ADARB2: variants seen among roughly 807,000 people sequenced by gnomAD.
ADARB2 encodes adenosine deaminase RNA specific B2 (inactive), also known as inactive double-stranded RNA-specific editase B2.
A neutral mutation model predicts 62.2 loss-of-function variants in ADARB2; 25 were observed. The observed-to-expected ratio is 0.40, with a 90% confidence interval of 0.29 to 0.56. The LOEUF is 0.56. Among genes scored for constraint, ADARB2 ranks in the 20% least tolerant of loss-of-function variants. The pLI is 0.43. For synonymous variants in ADARB2, 572 were observed against 500.8 expected, an observed-to-expected ratio of 1.14 and a Z score of -1.90; for missense variants, 1,071 against 1,077.4, an observed-to-expected ratio of 0.99 and a Z score of 0.08.
At chr10:1,425,960 G>A (rs545000885) in intron 1 of ADARB2, among the ~76,000 whole-genome samples, 146 of 152,298 alleles carry the variant, frequency 9.6e-4, no homozygotes, top group Admixed American at 1.0e-3. Context: ...GGAGCTGAGC[G>A]GGTGAGGGCT....
chr10:1,317,377 C>T (rs907046402), intron 3 of ADARB2, among the ~76,000 whole-genome samples: 14 of 152,214 alleles, frequency 9.2e-5, no homozygotes, highest in African/African-American at 2.2e-4. Context: ...ATAATCTCCA[C>T]GAGCCTGACA....
At chr10:1,466,313 T>A (rs1831254161) in intron 1 of ADARB2, among the ~76,000 whole-genome samples, 1 of 152,212 alleles carries the variant, frequency 6.6e-6, no homozygotes, top group Non-Finnish European at 1.5e-5. Flanking sequence ...TGGCTTCTGA[T>A]GAATGAAAAC....
rs181176571 is a variant in ADARB2 at position 1,353,353 on chromosome 10, G to A, written c.1077+9675C>T. ...TCTAATCCCTCCTTAGCGAACATCC[G>A]CTGGCTTTGCATTTCCCTTTCTTCC... is the stretch of plus-strand genomic sequence containing the variant. On this transcript the variant is annotated intron_variant, in intron 3 of 9. Coordinates refer to ENST00000381312, the MANE Select transcript of ADARB2 (RefSeq NM_018702.4). 1.2e-4 allele frequency among the ~76,000 whole-genome samples: 19 copies of A among 152,182 alleles called. No individual in the cohort carries two copies. In the East Asian group the frequency reaches 2.7e-3, roughly 22 times the overall value.
intron 4 of ADARB2, among the ~76,000 whole-genome samples, chr10:1,257,873 G>A (rs1831094135): frequency 6.6e-6 from 1 of 152,200 alleles, no homozygotes; most frequent in Admixed American, 6.5e-5. Flanking sequence ...TACTGGGGAA[G>A]CAGGGAGTGT....
intron 1 of ADARB2, among the ~76,000 whole-genome samples, chr10:1,632,760 C>A (rs1489017233): frequency 6.6e-6 from 1 of 152,214 alleles, no homozygotes; most frequent in Admixed American, 6.5e-5. Context: ...CACGAAGAAC[C>A]ACTCCCATCT....
chr10:1,398,151 G>C lies in ADARB2; in HGVS notation c.101-18991C>G, dbSNP rs555903587. ...TCAGTCTCTCCCCTCCCGAGTGCAG[G>C]CTTCCTGGGTCACCGTCCTCCTCTC... is the stretch of plus-strand genomic sequence containing the variant. On this transcript the variant is annotated intron_variant, in intron 1 of 9. Transcript: ENST00000381312. The surrounding 1 kb of genome is among the most constrained non-coding windows in gnomAD (Gnocchi z 4.1). 7.1e-6 allele frequency among the ~76,000 whole-genome samples: 1 copy of C among 140,892 alleles called. No individual in the cohort carries two copies. Among genetic ancestry groups the C allele is most frequent in the African/African-American group, 2.7e-5 (1 of 36,944 alleles). 92.4% of individuals were successfully genotyped at this position (140,892 alleles called of 152,430 possible).
intron 3 of ADARB2, among the ~76,000 whole-genome samples, chr10:1,293,189 CAGGAATAGAAAAA>C (rs1831489163): frequency 8.6e-5 from 1 of 11,692 alleles, no homozygotes; most frequent in Non-Finnish European, 2.1e-4. Context: ...GAGAGAAAGA[CAGGAATAGAAAAA>C]AGAGGGAGGG....
intron 1 of ADARB2, among the ~76,000 whole-genome samples, chr10:1,442,161 A>C (rs1269638090): frequency 6.6e-6 from 1 of 152,348 alleles, no homozygotes; most frequent in East Asian, 1.9e-4. Context: ...AAATTTCTGC[A>C]ACAGCTTATC....
At chr10:1,478,672 G>A (rs552177926) in intron 1 of ADARB2, among the ~76,000 whole-genome samples, 12 of 150,490 alleles carry the variant, frequency 8.0e-5, no homozygotes, top group Admixed American at 6.6e-4. Flanking sequence ...ACCCTCGGAC[G>A]GGAGAGCACC....
chr10:1,278,835 C>T (rs1201666207), intron 3 of ADARB2, among the ~76,000 whole-genome samples: 1 of 151,990 alleles, frequency 6.6e-6, no homozygotes, highest in East Asian at 1.9e-4. Context: ...GACTCCTATG[C>T]AGTGCTGCAT....
chr10:1,635,556 T>C (rs1342373796), intron 1 of ADARB2, among the ~76,000 whole-genome samples: 1 of 152,178 alleles, frequency 6.6e-6, no homozygotes, highest in Non-Finnish European at 1.5e-5. Context: ...GAAACCTCCC[T>C]GCTTTGTGGG....
intron 3 of ADARB2, among the ~76,000 whole-genome samples, chr10:1,314,593 C>T (rs937325571): frequency 1.3e-5 from 2 of 152,218 alleles, no homozygotes; most frequent in Non-Finnish European, 2.9e-5. Flanking sequence ...TTCTGACCCA[C>T]GTGACAGACC....
chr10:1,685,216 GTGTGTGAGTT>G (rs1834584132), intron 1 of ADARB2, among the ~76,000 whole-genome samples: 1 of 152,218 alleles, frequency 6.6e-6, no homozygotes, highest in African/African-American at 2.4e-5. Context: ...GCGTGAGTGT[GTGTGTGAGTT>G]TGTGTGAATG....
intron 1 of ADARB2, among the ~76,000 whole-genome samples, chr10:1,695,846 ATG>A (rs1834735209): frequency 8.0e-6 from 1 of 125,566 alleles, no homozygotes; most frequent in Non-Finnish European, 1.7e-5. Context: ...GTGTGTGTAC[ATG>A]TGTGCATCCA....
rs538667175 is a variant in ADARB2 at position 1,379,148 on chromosome 10, A to G, written c.113T>C (p.Ile38Thr). 9 of 1,612,706 alleles carry G rather than the reference A, an allele frequency of 5.6e-6. No homozygotes were observed. In the South Asian group the frequency reaches 9.9e-5, roughly 18 times the overall value. Residue 38 changes from isoleucine (I) to threonine (T), a missense_variant, in exon 2 of 10, where the codon ATA becomes ACA. Transcript: ENST00000381312. ...GAAAGGAGCGAGGAAGGTTGACAAT[A>G]TGCTTACTTTATCTGGAAAGAAAAG... ...RRSKRKDKVSILSTFLAPFKH... is the reference protein window; with the variant it reads ...RRSKRKDKVSTLSTFLAPFKH...
intron 1 of ADARB2, among the ~76,000 whole-genome samples, chr10:1,479,415 G>T (rs1026014527): frequency 1.6e-4 from 24 of 152,222 alleles, no homozygotes; most frequent in Non-Finnish European, 3.2e-4. Flanking sequence ...CGGCGGGTTT[G>T]TGTGGCTTCA....
At chr10:1,561,767 T>C (rs1832788759) in intron 1 of ADARB2, among the ~76,000 whole-genome samples, 1 of 152,118 alleles carries the variant, frequency 6.6e-6, no homozygotes, top group South Asian at 2.1e-4. Context: ...CCGAAGACCT[T>C]CAGGGGCTCC....
At chr10:1,262,529 A>G (rs913258288) in intron 4 of ADARB2, among the ~76,000 whole-genome samples, 2 of 151,198 alleles carry the variant, frequency 1.3e-5, no homozygotes, top group African/African-American at 4.9e-5. Context: ...AAAACACACA[A>G]AAAAATGCTC....
chr10:1,610,660 G>T (rs1241115805), intron 1 of ADARB2, among the ~76,000 whole-genome samples: 1 of 152,124 alleles, frequency 6.6e-6, no homozygotes, highest in Non-Finnish European at 1.5e-5. Context: ...TCCATCCGGG[G>T]TCTTTTAGTT....
Sources: allele counts gnomAD v4.1 joint callset (sites outside exome capture counted in the v4.1 genomes callset), GRCh38; gene constraint gnomAD v4.1.1; non-coding constraint Gnocchi (gnomAD v3.1); transcripts MANE v1.5; gene names NCBI Gene and HGNC (gene_info 2026-07-23, HGNC 2026-07-21).